EXOC4: variants seen among roughly 807,000 people sequenced by gnomAD.
The protein encoded by EXOC4 is SEC8-like 1.
In EXOC4, 71 loss-of-function variants were observed where a neutral mutation model predicts 107.2. The ratio of observed to expected loss-of-function variants is 0.66; its 90% CI spans 0.55 to 0.81. The LOEUF (loss-of-function observed/expected upper bound fraction) is 0.81, where lower values mean the gene tolerates loss of function less well. Among genes scored for constraint, EXOC4 ranks in the 30% least tolerant of loss-of-function variants. EXOC4 has a pLI of 0.00. For synonymous variants in EXOC4, 456 were observed against 441.2 expected, an observed-to-expected ratio of 1.03 and a Z score of -0.42; for missense variants, 1,108 against 1,189.6, an observed-to-expected ratio of 0.93 and a Z score of 1.01.
intron 9 of EXOC4, among the ~76,000 whole-genome samples, chr7:133,608,851 C>G (rs1221045979): frequency 6.6e-6 from 1 of 151,974 alleles, no homozygotes; most frequent in Non-Finnish European, 1.5e-5. Context: ...CCAACCTTAA[C>G]CGGTGTATTT....
chr7:133,873,753 T>A (rs1328729672), intron 11 of EXOC4, among the ~76,000 whole-genome samples: 1 of 152,210 alleles, frequency 6.6e-6, no homozygotes, highest in African/African-American at 2.4e-5. Flanking sequence ...CTATCGTACA[T>A]TCTAAGTGTT....
chr7:133,468,358 T>C (rs1297261166), intron 7 of EXOC4, among the ~76,000 whole-genome samples: 1 of 1,758 alleles, frequency 5.7e-4, no homozygotes, highest in East Asian at 0.062. Context: ...CAGAATATTT[T>C]AGGTTATACA....
intron 2 of EXOC4, among the ~76,000 whole-genome samples, chr7:133,277,722 G>A (rs1296326791): frequency 6.6e-6 from 1 of 152,152 alleles, no homozygotes; most frequent in Non-Finnish European, 1.5e-5. Flanking sequence ...AAGGGTCAGA[G>A]CTCTTTTCAA....
rs1562997710 is a variant in EXOC4, at chr7:133,787,973, A to ATC, written c.1515-29351_1515-29350insCT. 5.1e-5 allele frequency among the ~76,000 whole-genome samples: 2 copies of ATC among 39,248 alleles called. 1 individual carries two copies. The highest frequency in any genetic ancestry group is 1.0e-4 in the Non-Finnish European group (2 of 19,558). 25.7% of individuals were successfully genotyped at this position (39,248 alleles called of 152,430 possible). The stretch of plus-strand genomic sequence containing the variant: ...CATATATTTATATATTTATATATAT[A>ATC]TATATATATATATATATATATATAT... On this transcript the variant is annotated intron_variant, in intron 10 of 17. Coordinates refer to ENST00000253861, the MANE Select transcript of EXOC4 (RefSeq NM_021807.4).
At position 133,397,291 on chromosome 7, in the gene EXOC4, A is replaced by ATT. The variant is rs59222298; in HGVS notation, c.1182+22302_1182+22303dup. ...ATTACAGGCCACCACACCCAGCCAA[A>ATT]TTTTTTTTTTTTTTGTATTTTTAGT... is the stretch of plus-strand genomic sequence containing the variant. On this transcript the variant is annotated intron_variant, in intron 7 of 17. Coordinates refer to ENST00000253861, the MANE Select transcript of EXOC4 (RefSeq NM_021807.4). 2.8e-3 allele frequency among the ~76,000 whole-genome samples: 406 copies of ATT among 142,750 alleles called. 3 individuals carry two copies. The East Asian group carries it at 0.032, about 11-fold the overall frequency. The allele number at this position is 142,750 out of a possible 152,430, so 93.6% of individuals were successfully genotyped here.
chr7:133,614,789 C>CAAAAAA (rs35947572), intron 9 of EXOC4, among the ~76,000 whole-genome samples: 2 of 61,682 alleles, frequency 3.2e-5, no homozygotes, highest in African/African-American at 6.5e-5. Context: ...GTACATATGG[C>CAAAAAA]AAAAAAAAAA....
intron 7 of EXOC4, among the ~76,000 whole-genome samples, chr7:133,468,617 G>T (rs887507441): frequency 6.6e-6 from 1 of 151,966 alleles, no homozygotes; most frequent in African/African-American, 2.4e-5. Context: ...AAATTCCTTT[G>T]AGACATCCTC....
intron 12 of EXOC4, among the ~76,000 whole-genome samples, chr7:133,899,807 G>A (rs1248855954): frequency 2.1e-5 from 3 of 142,762 alleles, no homozygotes; most frequent in Non-Finnish European, 3.0e-5. Flanking sequence ...GTGCAGTGGC[G>A]CAATCTTGGC....
chr7:133,336,924 G>A (rs969273793), intron 5 of EXOC4, among the ~76,000 whole-genome samples: 5 of 151,830 alleles, frequency 3.3e-5, no homozygotes, highest in Admixed American at 1.3e-4. Flanking sequence ...TAGTAGAGAC[G>A]GGGTTTCACT....
chr7:133,993,365 A>G lies in EXOC4; in HGVS notation c.2207-4127A>G, dbSNP rs1794306197. Among the ~76,000 whole-genome samples, 3 of 152,218 alleles carry G rather than the reference A, an allele frequency of 2.0e-5. No individual in the cohort carries two copies. The South Asian group carries it at 6.2e-4, about 32-fold the overall frequency. On this transcript the variant is annotated intron_variant, in intron 14 of 17. Transcript: ENST00000253861. ...AAAGTATTCAAGGGAGTTGAGGTTT[A>G]TGGTCAAAGAGTAGCTCAGGGAATC...
intron 14 of EXOC4, among the ~76,000 whole-genome samples, chr7:133,960,800 G>A (rs1039052071): frequency 6.6e-6 from 1 of 152,154 alleles, no homozygotes; most frequent in Non-Finnish European, 1.5e-5. Flanking sequence ...CACAGAACTT[G>A]CAAGTTTGAC....
chr7:134,043,779 G>A (rs1795580961), intron 17 of EXOC4, among the ~76,000 whole-genome samples: 1 of 152,190 alleles, frequency 6.6e-6, no homozygotes, highest in African/African-American at 2.4e-5. Context: ...TGAATGTAGG[G>A]TAGTTGTTGA....
chr7:133,825,873 G>A (rs917296217), intron 11 of EXOC4, among the ~76,000 whole-genome samples: 4 of 151,936 alleles, frequency 2.6e-5, no homozygotes, highest in Non-Finnish European at 5.9e-5. Flanking sequence ...TCTGAGAGAT[G>A]GTGCTAATGG....
chr7:134,093,729 CAG>C, the EXOC4 span, among the ~76,000 whole-genome samples: 1 of 152,138 alleles, frequency 6.6e-6, no homozygotes, highest in Non-Finnish European at 1.5e-5. Flanking sequence ...ACCATACTCT[CAG>C]ACTACAGTGG....
chr7:133,343,566 G>A (rs760056420), intron 5 of EXOC4, among the ~76,000 whole-genome samples: 15 of 151,098 alleles, frequency 9.9e-5, no homozygotes, highest in Non-Finnish European at 1.9e-4. Flanking sequence ...CATGAGCCAC[G>A]CACTCGACTT....
intron 9 of EXOC4, among the ~76,000 whole-genome samples, chr7:133,579,056 C>G (rs546716016): frequency 6.6e-6 from 1 of 152,220 alleles, no homozygotes; most frequent in South Asian, 2.1e-4. Flanking sequence ...GTAAGATGTC[C>G]TGTCAGAACT....
intron 7 of EXOC4, among the ~76,000 whole-genome samples, chr7:133,399,496 C>A (rs149880258): frequency 4.2e-4 from 64 of 152,312 alleles, no homozygotes; most frequent in Admixed American, 2.7e-3. Context: ...ATCAGCATAG[C>A]TGGAATTATG....
intron 1 of EXOC4, among the ~76,000 whole-genome samples, chr7:133,258,107 A>G (rs1026939333): frequency 3.3e-5 from 5 of 152,218 alleles, no homozygotes; most frequent in Non-Finnish European, 7.3e-5. Context: ...ACCCTGGGAC[A>G]TCTTGGCCCT....
intron 9 of EXOC4, among the ~76,000 whole-genome samples, chr7:133,515,759 G>C (rs1305374936): frequency 2.6e-5 from 4 of 152,148 alleles, no homozygotes; most frequent in Non-Finnish European, 4.4e-5. Context: ...GTGAGCCAGA[G>C]TTCCTGACCG....
Sources: gnomAD v4.1 joint callset for allele counts (sites outside exome capture counted in the v4.1 genomes callset) on GRCh38, gnomAD v4.1.1 for gene constraint, MANE v1.5 for transcripts, NCBI Gene and HGNC (gene_info 2026-07-23, HGNC 2026-07-21) for gene names.